SLC16A10: variants seen among roughly 807,000 people sequenced by gnomAD.
The protein encoded by SLC16A10 is monocarboxylate transporter 10.
SLC16A10 carries 27 observed loss-of-function variants against 40.0 expected under a neutral mutation model. The observed-to-expected ratio is 0.67, with a 90% CI of 0.50 to 0.93. The LOEUF (loss-of-function observed/expected upper bound fraction) is 0.93. Ranked by LOEUF, SLC16A10 falls within the 40% of genes least tolerant of loss-of-function variation. The pLI is 0.00. For missense variants in SLC16A10, 529 were observed against 658.2 expected, an observed-to-expected ratio of 0.80 and a Z score of 2.15; for synonymous variants, 213 against 249.8, an observed-to-expected ratio of 0.85 and a Z score of 1.39.
At chr6:111,163,310 G>A (rs957722901) in intron 1 of SLC16A10, among the ~76,000 whole-genome samples, 9 of 150,886 alleles carry the variant, frequency 6.0e-5, no homozygotes, top group Admixed American at 2.6e-4. Context: ...CCGCCACTAC[G>A]CCCGGCTAAT....
At chr6:111,182,236 GGTGAT>G (rs1051904288) in intron 3 of SLC16A10, among the ~76,000 whole-genome samples, 5 of 151,512 alleles carry the variant, frequency 3.3e-5, no homozygotes, top group Non-Finnish European at 1.5e-5. Context: ...CCTGACCTCA[GGTGAT>G]CCACCCATCT....
rs1583374410 is a variant in SLC16A10 at position 111,227,679 on chromosome 6, A to C, written c.*5444A>C. ...GGGTGTAATCTTGCTTTCTGGGGAA[A>C]TAAAATTCCCCATGGTACTATATTC... On this transcript the variant is annotated 3_prime_UTR_variant, in exon 6 of 6. Transcript: ENST00000368851. 6.6e-6 allele frequency: 1 copy of C among 152,218 alleles called. No individual in the cohort carries two copies. Among genetic ancestry groups the C allele is most frequent in the South Asian group, 2.1e-4 (1 of 4,822 alleles). 9.4% of individuals were successfully genotyped at this position (152,218 alleles called of 1,614,324 possible).
At chr6:111,141,047 T>C (rs1583323994) in intron 1 of SLC16A10, among the ~76,000 whole-genome samples, 1 of 152,194 alleles carries the variant, frequency 6.6e-6, no homozygotes, top group African/African-American at 2.4e-5. Flanking sequence ...TGCCTTGTCC[T>C]CCCAGAGTGC....
intron 3 of SLC16A10, among the ~76,000 whole-genome samples, chr6:111,187,017 A>G (rs1772910244): frequency 6.6e-6 from 1 of 152,256 alleles, no homozygotes; most frequent in Admixed American, 6.5e-5. Context: ...TTGAAGTAAA[A>G]TGGTAAGAAC....
chr6:111,171,596 G>A (rs187655887), intron 1 of SLC16A10, among the ~76,000 whole-genome samples: 4 of 152,010 alleles, frequency 2.6e-5, no homozygotes, highest in Non-Finnish European at 4.4e-5. Flanking sequence ...GTGGGTGATC[G>A]CTTGAACCTA....
chr6:111,168,128 C>T (rs1000830149), intron 1 of SLC16A10, among the ~76,000 whole-genome samples: 60 of 152,086 alleles, frequency 3.9e-4, no homozygotes, highest in East Asian at 1.7e-3. Context: ...TACAGGCACC[C>T]GCCACCACAC....
chr6:111,198,025 G>A lies in SLC16A10; in HGVS notation c.943-8567G>A, dbSNP rs534794866. Among the ~76,000 whole-genome samples the A allele has an allele frequency of 2.0e-5, 3 of 152,240 alleles. No individual in the cohort carries two copies. The South Asian group carries it at 6.2e-4, about 32-fold the overall frequency. On this transcript the variant is annotated intron_variant, in intron 3 of 5. Coordinates refer to ENST00000368851, the MANE Select transcript of SLC16A10 (RefSeq NM_018593.5). ...TCTTAGGCTGGGCACGGTGGCTCAC[G>A]CCTGTAATCGCAGCACTTTGAGAGG... is the stretch of plus-strand genomic sequence containing the variant.
chr6:111,155,660 G>A (rs745580012), intron 1 of SLC16A10, among the ~76,000 whole-genome samples: 2 of 152,168 alleles, frequency 1.3e-5, no homozygotes, highest in Admixed American at 6.5e-5. Context: ...GAAGGAGTTA[G>A]AATAACCTGT....
chr6:111,138,373 T>C (rs1159293153), intron 1 of SLC16A10, among the ~76,000 whole-genome samples: 1 of 152,216 alleles, frequency 6.6e-6, no homozygotes, highest in African/African-American at 2.4e-5. Context: ...TCATGATGAT[T>C]TGCCTATTTT....
intron 2 of SLC16A10, among the ~76,000 whole-genome samples, chr6:111,173,107 C>G (rs1257706102): frequency 6.6e-6 from 1 of 152,014 alleles, no homozygotes; most frequent in African/African-American, 2.4e-5. Flanking sequence ...TTCTCCTTAT[C>G]TTTTTCTTCT....
At chr6:111,100,458 G>A (rs1049821643) in intron 1 of SLC16A10, among the ~76,000 whole-genome samples, 2 of 151,778 alleles carry the variant, frequency 1.3e-5, no homozygotes, top group East Asian at 1.9e-4. Flanking sequence ...GTGCGATCTC[G>A]GCTCACTGCA....
chr6:111,149,023 C>T (rs1772126962), intron 1 of SLC16A10, among the ~76,000 whole-genome samples: 1 of 152,144 alleles, frequency 6.6e-6, no homozygotes, highest in African/African-American at 2.4e-5. Flanking sequence ...TCAGTCAGGA[C>T]CCTTCTTCTC....
intron 1 of SLC16A10, among the ~76,000 whole-genome samples, chr6:111,158,689 A>G (rs1275973639): frequency 6.6e-6 from 1 of 152,112 alleles, no homozygotes; most frequent in African/African-American, 2.4e-5. Flanking sequence ...ATTTTTTTGT[A>G]TTTACTCGAT....
In SLC16A10 at chr6:111,226,479, A is replaced by C. The variant is rs1000413488; in HGVS notation, c.*4244A>C. ...TTATAATATGTAAACAATTTAAACA[A>C]GTATTTAAAACTTTTTAGGAAGTCT... is the stretch of plus-strand genomic sequence containing the variant. On this transcript the variant is annotated 3_prime_UTR_variant, in exon 6 of 6. Transcript: ENST00000368851. 6.6e-6 allele frequency: 1 copy of C among 152,218 alleles called. No homozygotes were observed. Among genetic ancestry groups the C allele is most frequent in the Non-Finnish European group, 1.5e-5 (1 of 68,034 alleles). The allele number at this position is 152,218 out of a possible 1,614,324, so 9.4% of individuals were successfully genotyped here.
At chr6:111,161,222 C>CAAA (rs57463212) in intron 1 of SLC16A10, among the ~76,000 whole-genome samples, 523 of 42,290 alleles carry the variant, frequency 0.012, 47 homozygotes, top group East Asian at 0.021. Context: ...GACAGTGTCT[C>CAAA]AAAAAAAAAA....
rs1052004137 is a variant in SLC16A10, at chr6:111,228,488, G to A, written c.*6253G>A. ...ATGTCCCTAAACATGTATGCGATAG[G>A]AACTACCAATATAAAATAACACTTA... is the stretch of plus-strand genomic sequence containing the variant. On this transcript the variant is annotated 3_prime_UTR_variant, in exon 6 of 6. Transcript: ENST00000368851. 1 of 152,086 alleles carries A rather than the reference G, an allele frequency of 6.6e-6. No individual in the cohort carries two copies. The highest frequency in any genetic ancestry group is 1.5e-5 in the Non-Finnish European group (1 of 68,018). The allele number at this position is 152,086 out of a possible 1,614,324, so 9.4% of individuals were successfully genotyped here. A position where few individuals can be genotyped will look rare whatever the true frequency, so the allele number is the denominator to read the frequency against.
intron 2 of SLC16A10, 32 bp from the exon 3 acceptor site, chr6:111,177,180 A>C (rs17072392): frequency 7.2e-7 from 1 of 1,384,892 alleles, no homozygotes; most frequent in South Asian, 2.0e-5. Context: ...CAATATTGAA[A>C]GCTGCTTTCC....
intron 1 of SLC16A10, among the ~76,000 whole-genome samples, chr6:111,142,593 T>C (rs1201671072): frequency 2.0e-5 from 3 of 152,198 alleles, no homozygotes; most frequent in African/African-American, 7.2e-5. Flanking sequence ...AAAGAAGATA[T>C]ATAGATGGCA....
In SLC16A10 at chr6:111,123,110, C is replaced by T. The variant is rs538562248; in HGVS notation, c.343+35015C>T. Reference sequence around the variant, plus strand: ...ATCTTATTACCATGTATGTTTTTATCGTCAGGTGCTGCTTTGGACTCTGGC... The same window carrying T: ...ATCTTATTACCATGTATGTTTTTATTGTCAGGTGCTGCTTTGGACTCTGGC... On this transcript the variant is annotated intron_variant, in intron 1 of 5. Coordinates refer to ENST00000368851, the MANE Select transcript of SLC16A10 (RefSeq NM_018593.5). Among the ~76,000 whole-genome samples, 3 of 152,314 alleles carry T rather than the reference C, an allele frequency of 2.0e-5. No individual in the cohort carries two copies. In the South Asian group the frequency reaches 6.2e-4, roughly 32 times the overall value.
Sources: allele counts gnomAD v4.1 joint callset (sites outside exome capture counted in the v4.1 genomes callset), GRCh38; gene constraint gnomAD v4.1.1; transcripts MANE v1.5; gene names NCBI Gene and HGNC (gene_info 2026-07-23, HGNC 2026-07-21).